The following TMEM177 variants were observed in gnomAD, a reference collection of about 807,000 sequenced individuals.
TMEM177 encodes transmembrane protein 177.
A neutral mutation model predicts 14.2 loss-of-function variants in TMEM177; 4 were observed. The ratio of observed to expected loss-of-function variants is 0.28; its 90% CI spans 0.14 to 0.64. The LOEUF (loss-of-function observed/expected upper bound fraction) is 0.64, where lower values mean the gene tolerates loss of function less well. Ranked by LOEUF, TMEM177 falls within the 30% of genes least tolerant of loss-of-function variation. The probability of loss-of-function intolerance (pLI) is 0.82; values close to 1 mark genes in which losing one functional copy is unlikely to be tolerated. For missense variants in TMEM177, 344 were observed against 405.2 expected (o/e 0.85, Z 1.30); for synonymous variants, 179 against 174.5 (o/e 1.03, Z -0.20).
Position 119,681,627 on chromosome 2 carries a change from G to A in TMEM177, c.774G>A (p.Leu258=). The part of the protein sequence containing the change: ...EFYEKLLSGN[L]ALRSLLGKDG... Reference sequence around the variant, plus strand: ...ATGAGAAGCTTCTGTCGGGCAACCTGGCCCTGCGCAGTCTCTTGGGCAAAG... The same window carrying A: ...ATGAGAAGCTTCTGTCGGGCAACCTAGCCCTGCGCAGTCTCTTGGGCAAAG... The change falls in exon 2 of 2, where the codon CTG becomes CTA. Residue 258 remains leucine (L), a synonymous_variant. Transcript: ENST00000272521. The A allele has an allele frequency of 6.2e-7, 1 of 1,614,242 alleles. No homozygotes were observed. Among genetic ancestry groups the A allele is most frequent in the South Asian group, 1.1e-5 (1 of 91,088 alleles).
the TMEM177 span, among the ~76,000 whole-genome samples, chr2:119,703,198 T>C: frequency 6.6e-6 from 1 of 152,238 alleles, no homozygotes; most frequent in Non-Finnish European, 1.5e-5. Context: ...GGCCCAGCCC[T>C]GCATTTTCCT....
chr2:119,698,993 TCTCAAAACCAA>T, the TMEM177 span: 1 of 178,596 alleles, frequency 5.6e-6, no homozygotes. Flanking sequence ...TGAGACTCTG[TCTCAAAACCAA>T]AAGAAAGGAC....
Position 119,681,679 on chromosome 2 carries a change from G to A in TMEM177, c.826G>A (p.Gly276Arg), listed in dbSNP as rs772808639. ...KDGEKLYTPS[G>R]NIVPRHLFRI... is the part of the protein sequence containing the mutation. ...CGGGGAGAAGCTGTATACACCCAGC[G>A]GGAACATCGTCCCCAGACACTTGTT... The change falls in exon 2 of 2, where the codon GGG (glycine) becomes AGG (arginine). Residue 276 changes from glycine to arginine, a missense_variant. Physicochemically the swap from Gly to Arg is moderately radical, Grantham distance 125. Transcript: ENST00000272521. The A allele has an allele frequency of 9.3e-6, 15 of 1,614,046 alleles. No homozygotes were observed. The highest frequency in any genetic ancestry group is 1.6e-4 in the Middle Eastern group (1 of 6,084).
chr2:119,680,636 C>G (rs1442999994), intron 1 of TMEM177, among the ~76,000 whole-genome samples, 196 bp from the exon 2 acceptor site: 1 of 152,224 alleles, frequency 6.6e-6, no homozygotes, highest in Non-Finnish European at 1.5e-5. Flanking sequence ...TTACGACACA[C>G]CTGTTTGGCA....
At position 119,680,897 on chromosome 2, in the gene TMEM177, A is replaced by G; in HGVS notation, c.44A>G (p.His15Arg). ...CGGACCGCAGCATTTGTGCAGAGACACAGGACAGGCCTCTTGGTGGGTTCC... is the reference window on the plus strand; with the variant it reads ...CGGACCGCAGCATTTGTGCAGAGACGCAGGACAGGCCTCTTGGTGGGTTCC... ...LWRTAAFVQR[H>R]RTGLLVGSCA... Residue 15 changes from histidine (H) to arginine (R), a missense_variant, in exon 2 of 2, where the codon CAC (histidine) becomes CGC (arginine). Coordinates refer to ENST00000272521, the MANE Select transcript of TMEM177 (RefSeq NM_030577.3). 6.2e-7 allele frequency: 1 copy of G among 1,614,136 alleles called. No homozygotes were observed. The highest frequency in any genetic ancestry group is 1.3e-5 in the African/African-American group (1 of 75,040).
chr2:119,694,528 C>T, the TMEM177 span, among the ~76,000 whole-genome samples: 107 of 152,386 alleles, frequency 7.0e-4, no homozygotes, highest in African/African-American at 2.5e-3. Context: ...AGTGCAGGAG[C>T]GGGCTCTGCC....
the TMEM177 span, among the ~76,000 whole-genome samples, chr2:119,702,805 G>A: frequency 1.2e-3 from 185 of 152,222 alleles, no homozygotes; most frequent in African/African-American, 4.3e-3. Flanking sequence ...TATGTATGCC[G>A]ATTTAAATTT....
At chr2:119,718,310 A>G in the TMEM177 span, among the ~76,000 whole-genome samples, 1 of 152,082 alleles carries the variant, frequency 6.6e-6, no homozygotes, top group African/African-American at 2.4e-5. Context: ...TTCCCCCACT[A>G]AGGAGCACCA....
the TMEM177 span, among the ~76,000 whole-genome samples, chr2:119,693,883 A>AACACATACTGCATAC: frequency 6.6e-6 from 1 of 151,428 alleles, no homozygotes; most frequent in African/African-American, 2.4e-5. Flanking sequence ...ACAACACACA[A>AACACATACTGCATAC]ACATACCACA....
At chr2:119,703,027 C>T in the TMEM177 span, among the ~76,000 whole-genome samples, 50 of 152,352 alleles carry the variant, frequency 3.3e-4, no homozygotes, top group African/African-American at 1.2e-3. Context: ...GCAGGGGGAG[C>T]AAGCTCACCG....
downstream of TMEM177, among the ~76,000 whole-genome samples, chr2:119,687,474 C>T (rs1425013016): frequency 6.6e-6 from 1 of 152,144 alleles, no homozygotes; most frequent in Non-Finnish European, 1.5e-5. Flanking sequence ...TGGCAGAAAG[C>T]ACCTTTTCAC....
At chr2:119,690,296 C>G (rs1689074741), downstream of TMEM177, among the ~76,000 whole-genome samples, 1 of 152,014 alleles carries the variant, frequency 6.6e-6, no homozygotes, top group Admixed American at 6.6e-5. Flanking sequence ...TGCCTGCTTC[C>G]CCTTCACCTT....
At chr2:119,703,264 G>T in the TMEM177 span, among the ~76,000 whole-genome samples, 1 of 152,210 alleles carries the variant, frequency 6.6e-6, no homozygotes, top group Admixed American at 6.5e-5. Flanking sequence ...AAGAAAGTAG[G>T]AGTTGATGGC....
chr2:119,722,336 C>T, the TMEM177 span, among the ~76,000 whole-genome samples: 1 of 150,142 alleles, frequency 6.7e-6, no homozygotes, highest in Admixed American at 6.7e-5. Flanking sequence ...GAGCTATGAT[C>T]GTACCACAGC....
At chr2:119,708,219 T>A in the TMEM177 span, among the ~76,000 whole-genome samples, 3 of 152,180 alleles carry the variant, frequency 2.0e-5, no homozygotes, top group African/African-American at 7.2e-5. Context: ...TCCTGACTCA[T>A]ACAAACCATA....
At chr2:119,721,764 G>T in the TMEM177 span, among the ~76,000 whole-genome samples, 1 of 152,232 alleles carries the variant, frequency 6.6e-6, no homozygotes, top group African/African-American at 2.4e-5. Flanking sequence ...CAGAAGGGCT[G>T]CCAGCAGCAA....
At chr2:119,702,107 C>A in the TMEM177 span, among the ~76,000 whole-genome samples, 4 of 152,222 alleles carry the variant, frequency 2.6e-5, no homozygotes, top group Non-Finnish European at 5.9e-5. Context: ...ATTTGTTAGT[C>A]CTGCAAAGCC....
In TMEM177 at chr2:119,681,886, C is replaced by A; in HGVS notation, c.*97C>A. 2 of 1,087,528 alleles carry A rather than the reference C, an allele frequency of 1.8e-6. No homozygotes were observed. The highest frequency in any genetic ancestry group is 2.7e-6 in the Non-Finnish European group (2 of 745,638). 67.4% of individuals were successfully genotyped at this position (1,087,528 alleles called of 1,614,324 possible). ...GAGCCTTTGGACCTATAGCTCACGG[C>A]CAGAAAAATCACTGGCTTTGGAATT... On this transcript the variant is annotated 3_prime_UTR_variant, in exon 2 of 2. Coordinates refer to ENST00000272521, the MANE Select transcript of TMEM177 (RefSeq NM_030577.3).
At chr2:119,683,780 G>C (rs552812429), downstream of TMEM177, among the ~76,000 whole-genome samples, 1 of 151,536 alleles carries the variant, frequency 6.6e-6, no homozygotes, top group Non-Finnish European at 1.5e-5. Context: ...GTGTGTGTGC[G>C]CGTGCATTGC....
Sources: gnomAD v4.1 joint callset for allele counts (sites outside exome capture counted in the v4.1 genomes callset) on GRCh38, gnomAD v4.1.1 for gene constraint, MANE v1.5 for transcripts, NCBI Gene and HGNC (gene_info 2026-07-23, HGNC 2026-07-21) for gene names.